Variants in PEX13 observed in about 807,000 individuals in gnomAD.
PEX13 encodes peroxisomal biogenesis factor 13, also known as peroxisome biogenesis factor 13.
In PEX13, 28 loss-of-function variants were observed where a neutral mutation model predicts 34.5. That is an observed-to-expected ratio of 0.81 (90% CI 0.60 to 1.11). PEX13 has a LOEUF of 1.11. PEX13 is among the 50% of genes most tolerant of loss of function. The probability of loss-of-function intolerance (pLI) is 0.00; values close to 1 mark genes in which losing one functional copy is unlikely to be tolerated. For missense variants in PEX13, 550 were observed against 491.0 expected, an observed-to-expected ratio of 1.12 and a Z score of -1.13; for synonymous variants, 177 against 175.1, an observed-to-expected ratio of 1.01 and a Z score of -0.09.
intron 2 of PEX13, among the ~76,000 whole-genome samples, chr2:61,036,986 T>G (rs1485929464): frequency 1.3e-5 from 2 of 151,112 alleles, no homozygotes; most frequent in African/African-American, 2.4e-5. Flanking sequence ...GCAATCCTAG[T>G]CTCTGATAAA....
At chr2:61,047,373 C>G (rs1210033318) in intron 3 of PEX13, among the ~76,000 whole-genome samples, 3 of 152,140 alleles carry the variant, frequency 2.0e-5, no homozygotes, top group Admixed American at 2.0e-4. Flanking sequence ...TCAGGCTGGT[C>G]TCGAACTCCT....
chr2:61,027,679 T>C (rs2104800465), intron 1 of PEX13, among the ~76,000 whole-genome samples: 1 of 152,350 alleles, frequency 6.6e-6, no homozygotes, highest in South Asian at 2.1e-4. Flanking sequence ...GGCCCGTAGC[T>C]TCAGCCCTCC....
Position 61,051,718 on chromosome 2 carries a change from A to G in PEX13, c.*2948A>G, listed in dbSNP as rs917099597. 2.6e-5 allele frequency: 4 copies of G among 152,238 alleles called. No individual in the cohort carries two copies. The highest frequency in any genetic ancestry group is 1.3e-4 in the Admixed American group (2 of 15,290). The allele number at this position is 152,238 out of a possible 1,614,324, so 9.4% of individuals were successfully genotyped here. The stretch of plus-strand genomic sequence containing the variant: ...TAATTAAATAAAATATAAGTTTACA[A>G]TAATAAAACATGTTTCTTTTAATTT... On this transcript the variant is annotated 3_prime_UTR_variant, in exon 4 of 4. Coordinates refer to ENST00000295030, the MANE Select transcript of PEX13 (RefSeq NM_002618.4).
chr2:61,034,023 G>T (rs1680494429), intron 2 of PEX13, among the ~76,000 whole-genome samples: 1 of 151,922 alleles, frequency 6.6e-6, no homozygotes, highest in African/African-American at 2.4e-5. Context: ...GGGAGACAGA[G>T]TCTTGCTCTG....
chr2:61,042,658 G>T (rs535932004), intron 2 of PEX13, among the ~76,000 whole-genome samples: 65 of 152,020 alleles, frequency 4.3e-4, no homozygotes, highest in Non-Finnish European at 7.2e-4. Flanking sequence ...CAGAATTTCC[G>T]CATCAAAATA....
At chr2:61,037,181 T>G (rs770521325) in intron 2 of PEX13, among the ~76,000 whole-genome samples, 15 of 152,184 alleles carry the variant, frequency 9.9e-5, no homozygotes, top group Non-Finnish European at 1.9e-4. Context: ...AATGGGAGAC[T>G]TTAACAGCCC....
intron 2 of PEX13, among the ~76,000 whole-genome samples, chr2:61,043,975 G>A (rs1680666212): frequency 6.6e-6 from 1 of 151,988 alleles, no homozygotes; most frequent in African/African-American, 2.4e-5. Context: ...TTGGAGACAG[G>A]GTCTTGCTTT....
At chr2:61,022,189 G>C (rs919383439) in intron 1 of PEX13, among the ~76,000 whole-genome samples, 1 of 152,178 alleles carries the variant, frequency 6.6e-6, no homozygotes, top group African/African-American at 2.4e-5. Context: ...TTGACGAGTT[G>C]ACAGAAGTAG....
rs774237731 is a variant in PEX13, at chr2:61,048,468, T to A, written c.914-4T>A. On this transcript the variant is annotated splice_polypyrimidine_tract_variant and splice_region_variant and intron_variant, in intron 3 of 3. Coordinates refer to ENST00000295030, the MANE Select transcript of PEX13 (RefSeq NM_002618.4). ...ATTACAAGACTGTCTTTTTTTTCCATCAGAACAACAACCCAAAGTGCGTGG... is the reference window on the plus strand; with the variant it reads ...ATTACAAGACTGTCTTTTTTTTCCAACAGAACAACAACCCAAAGTGCGTGG... 32 of 1,612,992 alleles carry A rather than the reference T, an allele frequency of 2.0e-5. No homozygotes were observed. In the Middle Eastern group the frequency reaches 4.9e-4, roughly 25 times the overall value.
chr2:61,031,182 T>G (rs1430978753), intron 1 of PEX13, among the ~76,000 whole-genome samples: 1 of 152,052 alleles, frequency 6.6e-6, no homozygotes, highest in Non-Finnish European at 1.5e-5. Context: ...TCCCAACTGC[T>G]CAGGAGGCTG....
chr2:61,048,568 G>C lies in PEX13; in HGVS notation c.1010G>C (p.Arg337Thr). Reference sequence around the variant, plus strand: ...AATTATGTCAAAATTCTTGGCAAAAGAAAAGGTAGGAAAACGGTGGAATCA... The same window carrying C: ...AATTATGTCAAAATTCTTGGCAAAACAAAAGGTAGGAAAACGGTGGAATCA... ...PANYVKILGK[R>T]KGRKTVESSK... The change falls in exon 4 of 4, where the codon AGA (arginine) becomes ACA (threonine). Residue 337 changes from arginine (R) to threonine (T), a missense_variant. Arg to Thr is a moderately conservative substitution (Grantham distance 71). Transcript: ENST00000295030. The C allele has an allele frequency of 6.2e-7, 1 of 1,614,104 alleles. No individual in the cohort carries two copies. Among genetic ancestry groups the C allele is most frequent in the South Asian group, 1.1e-5 (1 of 91,076 alleles).
At position 61,028,481 on chromosome 2, in the gene PEX13, T is replaced by G. The variant is rs185348145; in HGVS notation, c.93-2938T>G. Among the ~76,000 whole-genome samples, 520 of 151,644 alleles carry G rather than the reference T, an allele frequency of 3.4e-3. 2 individuals are homozygous for G. The highest frequency in any genetic ancestry group is 5.7e-3 in the Non-Finnish European group (388 of 67,864). ...CTCAGCTCACTGCAACAGCCGCCTC[T>G]GGGGTTCAAGCGATTCTCCCTCAGC... On this transcript the variant is annotated intron_variant, in intron 1 of 3. Coordinates refer to ENST00000295030, the MANE Select transcript of PEX13 (RefSeq NM_002618.4).
intron 1 of PEX13, among the ~76,000 whole-genome samples, chr2:61,025,361 T>C (rs1680336113): frequency 1.3e-5 from 2 of 149,760 alleles, no homozygotes; most frequent in Non-Finnish European, 3.0e-5. Flanking sequence ...TTATTATCAT[T>C]ATTATTATTA....
At chr2:61,021,344 C>T (rs1680257925) in intron 1 of PEX13, among the ~76,000 whole-genome samples, 1 of 152,188 alleles carries the variant, frequency 6.6e-6, no homozygotes, top group Non-Finnish European at 1.5e-5. Context: ...ACAGTCTTAG[C>T]AACAAGCAGA....
chr2:61,026,506 C>T (rs969046630), intron 1 of PEX13, among the ~76,000 whole-genome samples: 2 of 151,834 alleles, frequency 1.3e-5, no homozygotes, highest in Non-Finnish European at 2.9e-5. Context: ...CACCACCACG[C>T]GTGGCTAATT....
rs530669060 is a variant in PEX13, at chr2:61,040,247, A to G, written c.788-5479A>G. Among the ~76,000 whole-genome samples, 5 of 152,288 alleles carry G rather than the reference A, an allele frequency of 3.3e-5. No homozygotes were observed. In the South Asian group the frequency reaches 1.0e-3, roughly 32 times the overall value. On this transcript the variant is annotated intron_variant, in intron 2 of 3. Transcript: ENST00000295030. The stretch of plus-strand genomic sequence containing the variant: ...TGATCCCTTACTGGGTATATATCCA[A>G]AGGATTATAAATCGTGCTACTATAA...
At chr2:61,044,907 A>G (rs1680682780) in intron 2 of PEX13, among the ~76,000 whole-genome samples, 1 of 152,224 alleles carries the variant, frequency 6.6e-6, no homozygotes, top group African/African-American at 2.4e-5. Flanking sequence ...AGCTATTAAT[A>G]CAATGCCAGA....
intron 2 of PEX13, among the ~76,000 whole-genome samples, chr2:61,041,499 A>T (rs1022190563): frequency 6.6e-6 from 1 of 152,306 alleles, no homozygotes; most frequent in Admixed American, 6.5e-5. Context: ...AAGGTTCTAC[A>T]ATAAGATCAA....
chr2:61,039,988 A>G (rs1680596030), intron 2 of PEX13, among the ~76,000 whole-genome samples: 1 of 152,246 alleles, frequency 6.6e-6, no homozygotes, highest in African/African-American at 2.4e-5. Context: ...CATATGAAAA[A>G]ATGCTCATCA....
Sources: allele counts gnomAD v4.1 joint callset (sites outside exome capture counted in the v4.1 genomes callset), GRCh38; gene constraint gnomAD v4.1.1; transcripts MANE v1.5; gene names NCBI Gene and HGNC (gene_info 2026-07-23, HGNC 2026-07-21).